Variants in TIAM2 observed in about 807,000 individuals in gnomAD.
TIAM2 encodes the protein TIAM Rac1 associated GEF 2, also known as rho guanine nucleotide exchange factor TIAM2.
A neutral mutation model predicts 152.9 loss-of-function variants in TIAM2; 80 were observed. The ratio of observed to expected loss-of-function variants is 0.52; its 90% confidence interval spans 0.44 to 0.63. The LOEUF is 0.63. TIAM2 is among the 30% of genes least tolerant of loss of function. TIAM2 has a pLI of 0.00. For missense variants in TIAM2, 1,965 were observed against 2,120.1 expected (o/e 0.93, Z 1.44); for synonymous variants, 804 against 838.0 (o/e 0.96, Z 0.70).
chr6:155,043,919 G>A (rs1026573348), intron 1 of TIAM2, among the ~76,000 whole-genome samples: 1 of 152,098 alleles, frequency 6.6e-6, no homozygotes, highest in African/African-American at 2.4e-5. Context: ...TCATCCGAGA[G>A]GCTTCTTACC....
rs73006740 is a variant in TIAM2, at chr6:155,191,958, G to A, written c.3064+8458G>A. ...CCAGAACCTGTGAATATGGCAAAAG[G>A]GATTTTAAATTTCAAAAGACTTTGA... On this transcript the variant is annotated intron_variant, in intron 14 of 26. Coordinates refer to ENST00000682666, the MANE Select transcript of TIAM2 (RefSeq NM_012454.4). 3.1e-3 allele frequency among the ~76,000 whole-genome samples: 475 copies of A among 152,182 alleles called. 1 individual carries two copies. The highest frequency in any genetic ancestry group is 5.6e-3 in the Non-Finnish European group (378 of 68,006).
chr6:155,020,307 G>A (rs1211954192), intron 1 of TIAM2, among the ~76,000 whole-genome samples: 3 of 152,154 alleles, frequency 2.0e-5, no homozygotes, highest in Non-Finnish European at 4.4e-5. Context: ...AAGAATGAAA[G>A]GATAACCGTC....
In TIAM2 at chr6:155,000,047, A is replaced by G. The variant is rs368865178; in HGVS notation, c.-209+4555A>G. Among the ~76,000 whole-genome samples the G allele has an allele frequency of 1.6e-4, 25 of 152,348 alleles. No individual in the cohort carries two copies. The East Asian group carries it at 2.3e-3, about 14-fold the overall frequency. ...GCTGAAGTGCATGAAAGCACTTTGC[A>G]AACTTTGGAACAATGAACAGTAAGA... On this transcript the variant is annotated intron_variant, in intron 1 of 26. Transcript: ENST00000682666.
intron 1 of TIAM2, chr6:155,016,442 T>C (rs543965522): frequency 3.5e-5 from 5 of 144,382 alleles, no homozygotes; most frequent in Non-Finnish European, 7.8e-5. Context: ...TTAATGGTGC[T>C]TGGGAGGAGA....
At chr6:155,020,889 C>T (rs759223411) in intron 1 of TIAM2, among the ~76,000 whole-genome samples, 7 of 152,284 alleles carry the variant, frequency 4.6e-5, no homozygotes, top group Middle Eastern at 6.8e-3. Flanking sequence ...AACAATACCC[C>T]CCATTTCTTC....
intron 9 of TIAM2, among the ~76,000 whole-genome samples, chr6:155,171,288 A>G (rs1436071754): frequency 6.6e-6 from 1 of 152,246 alleles, no homozygotes; most frequent in African/African-American, 2.4e-5. Flanking sequence ...TTGGCTTGCC[A>G]AAAATGAAAG....
intron 9 of TIAM2, among the ~76,000 whole-genome samples, chr6:155,173,774 C>A (rs3805840): frequency 0.087 from 13,279 of 152,250 alleles, 781 homozygotes; most frequent in African/African-American, 0.17. Context: ...CTCCTGTGAG[C>A]TGGGCTTTGC....
In TIAM2 at chr6:155,186,712, T is replaced by A. The variant is rs1399847819; in HGVS notation, c.3064+3212T>A. On this transcript the variant is annotated intron_variant, in intron 14 of 26. Transcript: ENST00000682666. The surrounding 1 kb of genome is among the most constrained non-coding windows in gnomAD (Gnocchi z 4.5). ...TGCAGCTTCCTGTTTTATTAAAAAT[T>A]ACCTTGATTTACTTTTGCAATGAAT... 6.6e-6 allele frequency among the ~76,000 whole-genome samples: 1 copy of A among 152,200 alleles called. No individual in the cohort carries two copies. Among genetic ancestry groups the A allele is most frequent in the Non-Finnish European group, 1.5e-5 (1 of 68,040 alleles).
chr6:155,018,470 T>C (rs1434853882), intron 1 of TIAM2, among the ~76,000 whole-genome samples: 2 of 150,922 alleles, frequency 1.3e-5, no homozygotes, highest in Non-Finnish European at 3.0e-5. Context: ...AATTCAAAAA[T>C]TAGCCAGGCA....
chr6:155,223,877 CTTG>C (rs1393097980), intron 15 of TIAM2, among the ~76,000 whole-genome samples: 3 of 152,110 alleles, frequency 2.0e-5, no homozygotes, highest in African/African-American at 4.8e-5. Flanking sequence ...TAGCTAAGCC[CTTG>C]TTGTCGTTCG....
At chr6:155,151,854 T>TC (rs1779978425) in intron 7 of TIAM2, among the ~76,000 whole-genome samples, 1 of 150,228 alleles carries the variant, frequency 6.7e-6, no homozygotes. Context: ...TTTTTCTTTT[T>TC]TTTTTTTGAG....
intron 1 of TIAM2, among the ~76,000 whole-genome samples, chr6:155,035,054 C>A (rs1776896590): frequency 6.6e-6 from 1 of 152,084 alleles, no homozygotes; most frequent in South Asian, 2.1e-4. Flanking sequence ...GTCCACGAAG[C>A]TTTCACAGTT....
chr6:155,111,298 TACACAC>T (rs57988099), intron 2 of TIAM2, among the ~76,000 whole-genome samples: 365 of 138,434 alleles, frequency 2.6e-3, no homozygotes, highest in African/African-American at 6.4e-3. Context: ...ATTCTTGGAA[TACACAC>T]ACACACACAC....
chr6:155,047,706 CGAGA>C (rs1562300223), intron 1 of TIAM2, among the ~76,000 whole-genome samples: 1 of 41,192 alleles, frequency 2.4e-5, no homozygotes, highest in African/African-American at 7.9e-5. Flanking sequence ...AGAGAGAGAG[CGAGA>C]GAGAGAGAGA....
chr6:155,207,702 T>C (rs1473362733), intron 14 of TIAM2, among the ~76,000 whole-genome samples: 1 of 152,150 alleles, frequency 6.6e-6, no homozygotes, highest in Non-Finnish European at 1.5e-5. Flanking sequence ...GCCTCACTGA[T>C]TCAAAGCTAA....
chr6:155,136,701 A>G (rs1779564245), intron 4 of TIAM2, among the ~76,000 whole-genome samples: 1 of 152,220 alleles, frequency 6.6e-6, no homozygotes, highest in South Asian at 2.1e-4. Context: ...GGTTTTGCAT[A>G]ACAATACTGA....
At chr6:155,125,567 G>A (rs1237879381) in intron 2 of TIAM2, among the ~76,000 whole-genome samples, 1 of 152,126 alleles carries the variant, frequency 6.6e-6, no homozygotes, top group African/African-American at 2.4e-5. Flanking sequence ...GGCTGGGCGC[G>A]GTGGCTCACG....
intron 1 of TIAM2, among the ~76,000 whole-genome samples, chr6:155,011,888 C>T (rs1183652021): frequency 6.6e-6 from 1 of 152,122 alleles, no homozygotes; most frequent in African/African-American, 2.4e-5. Context: ...TGGTGGGTGC[C>T]AGATGGTGCG....
chr6:155,041,116 T>G (rs1583164275), intron 1 of TIAM2, among the ~76,000 whole-genome samples: 1 of 152,264 alleles, frequency 6.6e-6, no homozygotes, highest in Middle Eastern at 3.4e-3. Context: ...CCAAACTCAT[T>G]GGCTTCTTGG....
Sources: allele counts gnomAD v4.1 joint callset (sites outside exome capture counted in the v4.1 genomes callset), GRCh38; gene constraint gnomAD v4.1.1; non-coding constraint Gnocchi (gnomAD v3.1); transcripts MANE v1.5; gene names NCBI Gene and HGNC (gene_info 2026-07-23, HGNC 2026-07-21).